Variants in MYOM1 observed in about 807,000 individuals in gnomAD.
MYOM1 encodes myomesin 1.
MYOM1 carries 164 observed loss-of-function variants against 205.3 expected under a neutral mutation model. The observed-to-expected ratio is 0.80, with a 90% CI of 0.70 to 0.91. MYOM1 has a LOEUF of 0.91. MYOM1 is among the 40% of genes least tolerant of loss of function. The probability of loss-of-function intolerance (pLI) is 0.00; values close to 1 mark genes in which losing one functional copy is unlikely to be tolerated. For missense variants in MYOM1, 2,011 were observed against 2,127.3 expected, an observed-to-expected ratio of 0.95 and a Z score of 1.08; for synonymous variants, 772 against 789.4, an observed-to-expected ratio of 0.98 and a Z score of 0.37.
intron 21 of MYOM1, among the ~76,000 whole-genome samples, chr18:3,116,093 G>A (rs1384701489): frequency 2.0e-5 from 3 of 152,160 alleles, no homozygotes; most frequent in Non-Finnish European, 2.9e-5. Context: ...AAAGGAGAGA[G>A]GAAGGAGCTG....
rs1422586387 is a variant in MYOM1, at chr18:3,168,933, T to G, written c.1223A>C (p.Asp408Ala). The part of the protein sequence containing the change: ...GYASRFEIHF[D>A]DKFDVSFGRE... ...CCCAAAAGACACATCAAATTTGTCA[T>G]CAAAGTGGATCTCAAACCGGGATGC... The change falls in exon 9 of 38, where the codon GAT becomes GCT. Residue 408 changes from aspartate to alanine, a missense_variant. Physicochemically the swap from Asp to Ala is moderately radical, Grantham distance 126 (BLOSUM62 -2). Transcript: ENST00000356443. 6.2e-7 allele frequency: 1 copy of G among 1,613,794 alleles called. No individual in the cohort carries two copies. Among genetic ancestry groups the G allele is most frequent in the African/African-American group, 1.3e-5 (1 of 75,030 alleles).
intron 14 of MYOM1, among the ~76,000 whole-genome samples, chr18:3,140,404 C>CAA (rs34922897): frequency 3.4e-5 from 4 of 118,554 alleles, no homozygotes; most frequent in African/African-American, 6.5e-5. Context: ...GAGGCTGTCT[C>CAA]AAAAAAAAAA....
intron 5 of MYOM1, among the ~76,000 whole-genome samples, chr18:3,178,890 C>T (rs948273815): frequency 1.3e-5 from 2 of 150,436 alleles, no homozygotes; most frequent in Admixed American, 6.6e-5. Context: ...TTTTTTGAGA[C>T]AGTGTCTCGC....
intron 26 of MYOM1, among the ~76,000 whole-genome samples, chr18:3,091,911 TA>T (rs2079232280): frequency 6.6e-6 from 1 of 152,158 alleles, no homozygotes; most frequent in South Asian, 2.1e-4. Flanking sequence ...TTTGTATTTT[TA>T]GTAGAGACAG....
intron 10 of MYOM1, among the ~76,000 whole-genome samples, chr18:3,160,189 T>A (rs545925578): frequency 1.2e-4 from 18 of 151,622 alleles, no homozygotes; most frequent in Admixed American, 1.2e-3. Flanking sequence ...TCTCTCTTTT[T>A]TTTCTTTCTT....
chr18:3,079,137 A>T (rs1227874797), intron 34 of MYOM1, 42 bp downstream of exon 34: 1 of 1,599,748 alleles, frequency 6.3e-7, no homozygotes, highest in East Asian at 2.2e-5. Context: ...TAAAAGGCTC[A>T]TTCATCTAGA....
chr18:3,177,500 T>G (rs1445334749), intron 5 of MYOM1, among the ~76,000 whole-genome samples: 1 of 147,116 alleles, frequency 6.8e-6, no homozygotes, highest in East Asian at 2.0e-4. Context: ...AGACAGAGTT[T>G]CACTCTTGTT....
At chr18:3,156,678 T>C (rs1238204895) in intron 10 of MYOM1, among the ~76,000 whole-genome samples, 2 of 151,394 alleles carry the variant, frequency 1.3e-5, no homozygotes, top group Non-Finnish European at 2.9e-5. Context: ...GGATCTCAGC[T>C]CACTGCAAGC....
chr18:3,118,925 C>A (rs1175906834), intron 20 of MYOM1, among the ~76,000 whole-genome samples: 2 of 152,072 alleles, frequency 1.3e-5, no homozygotes, highest in African/African-American at 4.8e-5. Flanking sequence ...TCAGCAAAGG[C>A]AACGTGATGG....
At chr18:3,202,268 GGAGT>G (rs1195624119) in intron 2 of MYOM1, among the ~76,000 whole-genome samples, 2 of 152,080 alleles carry the variant, frequency 1.3e-5, no homozygotes, top group African/African-American at 4.8e-5. Context: ...AGGCAATAAA[GGAGT>G]AATTAAAGAG....
upstream of MYOM1, among the ~76,000 whole-genome samples, chr18:3,222,401 G>C (rs995185580): frequency 6.6e-6 from 1 of 152,160 alleles, no homozygotes; most frequent in Non-Finnish European, 1.5e-5. Flanking sequence ...TGCTTCTTTT[G>C]TCTAAACTTA....
Position 3,175,973 on chromosome 18 carries a change from G to A in MYOM1, c.1022+69C>T, listed in dbSNP as rs2080633188. The A allele has an allele frequency of 7.5e-6, 7 of 937,042 alleles. No homozygotes were observed. The Admixed American group carries it at 9.4e-5, about 13-fold the overall frequency. 58.0% of individuals were successfully genotyped at this position (937,042 alleles called of 1,614,324 possible). A position where few individuals can be genotyped will look rare whatever the true frequency, so the allele number is the denominator to read the frequency against. On this transcript the variant is annotated intron_variant, in intron 6 of 37. Transcript: ENST00000356443. ...TTGGGATGAAGTGGGGAGAGTGGCT[G>A]TTAACTGCAGGGGTGAGAAGCCTCC...
chr18:3,187,633 TC>T lies in MYOM1; in HGVS notation c.775del (p.Glu259LysfsTer10). 1 of 1,590,404 alleles carries T rather than the reference TC, an allele frequency of 6.3e-7. No individual in the cohort carries two copies. The highest frequency in any genetic ancestry group is 8.6e-7 in the Non-Finnish European group (1 of 1,163,334). ...AERLSLRKTL[E>X]ETETYHAKLN... The stretch of plus-strand genomic sequence containing the variant: ...CTTGGCATGATATGTCTCGGTTTCT[TC>T]TAACTGAAAAAACAAATATGCAAAC... On this transcript the variant is annotated frameshift_variant, in exon 5 of 38. Transcript: ENST00000356443. LOFTEE classifies it high-confidence loss of function.
intron 22 of MYOM1, among the ~76,000 whole-genome samples, chr18:3,106,018 A>G (rs1049861053): frequency 5.3e-5 from 8 of 152,252 alleles, no homozygotes; most frequent in African/African-American, 1.9e-4. Context: ...GGGAAAAAAC[A>G]ATAAAAGTAA....
At chr18:3,223,746 G>A (rs2081341166), upstream of MYOM1, among the ~76,000 whole-genome samples, 2 of 152,180 alleles carry the variant, frequency 1.3e-5, no homozygotes, top group South Asian at 4.1e-4. Flanking sequence ...CAAAAACTCT[G>A]CTTCTACCTG....
At chr18:3,210,096 C>T (rs2081173035) in intron 2 of MYOM1, among the ~76,000 whole-genome samples, 1 of 152,158 alleles carries the variant, frequency 6.6e-6, no homozygotes, top group African/African-American at 2.4e-5. Context: ...CCTCATTTTA[C>T]AGAAATAGAT....
chr18:3,089,849 G>A (rs1158522780), intron 27 of MYOM1, among the ~76,000 whole-genome samples: 2 of 152,202 alleles, frequency 1.3e-5, no homozygotes, highest in East Asian at 3.8e-4. Flanking sequence ...CCTTTCCATT[G>A]CCTTCGTAAC....
intron 2 of MYOM1, among the ~76,000 whole-genome samples, chr18:3,213,908 G>C (rs1035432323): frequency 6.6e-6 from 1 of 152,170 alleles, no homozygotes; most frequent in African/African-American, 2.4e-5. Flanking sequence ...CAAAGAAATA[G>C]CACCCTGGGT....
intron 29 of MYOM1, 108 bp from the exon 30 acceptor site, chr18:3,086,259 A>G (rs1406306733): frequency 1.9e-5 from 10 of 539,454 alleles, no homozygotes; most frequent in Non-Finnish European, 2.5e-5. Flanking sequence ...CTGAACGTGG[A>G]GTGAGAAGAC....
Sources: allele counts gnomAD v4.1 joint callset (sites outside exome capture counted in the v4.1 genomes callset), GRCh38; gene constraint gnomAD v4.1.1; transcripts MANE v1.5; gene names NCBI Gene and HGNC (gene_info 2026-07-23, HGNC 2026-07-21).